The following ATL2 variants were observed in gnomAD, a reference collection of about 807,000 sequenced individuals.
The protein encoded by ATL2 is atlastin-2.
ATL2 carries 31 observed loss-of-function variants against 73.9 expected under a neutral mutation model. The ratio of observed to expected loss-of-function variants is 0.42; its 90% confidence interval spans 0.32 to 0.57. ATL2 has a LOEUF of 0.57. ATL2 is among the 20% of genes least tolerant of loss of function. The pLI is 0.14. For synonymous variants in ATL2, 291 were observed against 237.5 expected (o/e 1.23, Z -2.07); for missense variants, 738 against 702.6 (o/e 1.05, Z -0.57).
At chr2:38,338,377 T>C (rs1490842131) in intron 2 of ATL2, among the ~76,000 whole-genome samples, 4 of 152,082 alleles carry the variant, frequency 2.6e-5, no homozygotes, top group African/African-American at 9.7e-5. Flanking sequence ...GGTGACAAGA[T>C]CAATTGTACC....
intron 1 of ATL2, among the ~76,000 whole-genome samples, chr2:38,373,979 C>T (rs566312404): frequency 1.3e-5 from 2 of 152,316 alleles, no homozygotes; most frequent in African/African-American, 4.8e-5. Flanking sequence ...GCAACCTCCA[C>T]CTCCCAGGTT....
At chr2:38,355,266 A>G (rs1670591611) in intron 1 of ATL2, among the ~76,000 whole-genome samples, 1 of 152,084 alleles carries the variant, frequency 6.6e-6, no homozygotes. Context: ...AGCTGAGATT[A>G]CAGTCGCCCT....
intron 1 of ATL2, among the ~76,000 whole-genome samples, chr2:38,361,481 T>C (rs369030674): frequency 6.6e-5 from 10 of 152,226 alleles, no homozygotes; most frequent in African/African-American, 2.4e-4. Context: ...TTATAAGCTA[T>C]TTAAAAACCA....
Position 38,296,099 on chromosome 2 carries a change from C to CA in ATL2, c.1646dup (p.Asp551Ter), listed in dbSNP as rs776279586. ...TGTTTTCCTCCATCAAATTATCACC[C>CA]AGGGGCTTCAATACCTGTGGTATGA... On this transcript the variant is annotated frameshift_variant, in exon 13 of 13. Transcript: ENST00000378954. LOFTEE classifies it high-confidence loss of function. The CA allele has an allele frequency of 5.2e-6, 8 of 1,551,012 alleles. No homozygotes were observed. The Admixed American group carries it at 1.4e-4, about 27-fold the overall frequency.
chr2:38,332,042 T>G (rs905031869), intron 2 of ATL2, among the ~76,000 whole-genome samples: 1 of 152,166 alleles, frequency 6.6e-6, no homozygotes, highest in Non-Finnish European at 1.5e-5. Context: ...GAAAACATTA[T>G]GCTAAGTGAA....
intron 9 of ATL2, among the ~76,000 whole-genome samples, chr2:38,306,167 A>T (rs576162177): frequency 6.6e-6 from 1 of 152,324 alleles, no homozygotes; most frequent in African/African-American, 2.4e-5. Flanking sequence ...ATTCCTAGAC[A>T]TATACAACCT....
chr2:38,322,888 C>T (rs1668402631), intron 2 of ATL2, among the ~76,000 whole-genome samples: 1 of 152,116 alleles, frequency 6.6e-6, no homozygotes, highest in Admixed American at 6.6e-5. Flanking sequence ...CTCTATTTAA[C>T]AACAACAACA....
At chr2:38,309,689 T>G (rs1667641621) in intron 8 of ATL2, among the ~76,000 whole-genome samples, 183 bp from the exon 9 acceptor site, 1 of 152,026 alleles carries the variant, frequency 6.6e-6, no homozygotes, top group African/African-American at 2.4e-5. Context: ...ATAATCCCCC[T>G]TACTCTACTA....
intron 1 of ATL2, among the ~76,000 whole-genome samples, chr2:38,373,255 G>A (rs946167426): frequency 1.3e-5 from 2 of 152,096 alleles, no homozygotes; most frequent in African/African-American, 4.8e-5. Context: ...TGCAATAAAA[G>A]ATAAAATGTT....
At chr2:38,347,214 G>T (rs1670068079) in intron 1 of ATL2, among the ~76,000 whole-genome samples, 1 of 152,094 alleles carries the variant, frequency 6.6e-6, no homozygotes, top group Non-Finnish European at 1.5e-5. Context: ...ATGCGATCTG[G>T]GCCCAGCCTC....
At chr2:38,338,242 T>C (rs1189041923) in intron 2 of ATL2, among the ~76,000 whole-genome samples, 4 of 152,022 alleles carry the variant, frequency 2.6e-5, no homozygotes, top group Admixed American at 2.6e-4. Flanking sequence ...TACTTAAAAG[T>C]AGAAGCTAAA....
intron 10 of ATL2, 89 bp from the exon 11 acceptor site, chr2:38,299,416 A>T: frequency 7.8e-7 from 1 of 1,289,362 alleles, no homozygotes; most frequent in Non-Finnish European, 1.0e-6. Context: ...TACAATAAAC[A>T]AGTCTGAAAA....
intron 2 of ATL2, among the ~76,000 whole-genome samples, chr2:38,325,889 T>C (rs1668628744): frequency 6.6e-5 from 8 of 121,116 alleles, no homozygotes; most frequent in Admixed American, 6.0e-4. Context: ...GTTTAAGGTT[T>C]TGTTTGTTTG....
chr2:38,372,727 ACT>A (rs1345448401), intron 1 of ATL2, among the ~76,000 whole-genome samples: 3 of 152,224 alleles, frequency 2.0e-5, no homozygotes, highest in Non-Finnish European at 4.4e-5. Flanking sequence ...TTTGAAAATT[ACT>A]TTTTAGTTCA....
intron 5 of ATL2, 68 bp from the exon 6 acceptor site, chr2:38,314,732 C>T (rs35730570): frequency 1.0e-6 from 1 of 997,694 alleles, no homozygotes; most frequent in Non-Finnish European, 1.5e-6. Flanking sequence ...TAAACCTGTT[C>T]CACACCAAAG....
intron 1 of ATL2, chr2:38,358,594 AGGCC>A: frequency 1.4e-5 from 4 of 290,124 alleles, no homozygotes; most frequent in South Asian, 9.8e-5. Flanking sequence ...CAGGAGGCTG[AGGCC>A]GGAGAATGGC....
Position 38,343,654 on chromosome 2 carries a change from C to T in ATL2, c.119-142G>A. 6 of 750,724 alleles carry T rather than the reference C, an allele frequency of 8.0e-6. No individual in the cohort carries two copies. The South Asian group carries it at 1.1e-4, about 13-fold the overall frequency. The allele number at this position is 750,724 out of a possible 1,614,324, so 46.5% of individuals were successfully genotyped here. ...ATCATTATAATGTTCCTTTGGATTT[C>T]TCACTCCCTCTGTGACAGGACAAAG... On this transcript the variant is annotated intron_variant, in intron 1 of 12. Coordinates refer to ENST00000378954, the MANE Select transcript of ATL2 (RefSeq NM_001135673.4).
chr2:38,325,702 A>G (rs1668600392), intron 2 of ATL2, among the ~76,000 whole-genome samples: 1 of 50,930 alleles, frequency 2.0e-5, no homozygotes, highest in Admixed American at 2.0e-4. Context: ...ACACCAGTAC[A>G]CACACACACA....
intron 1 of ATL2, among the ~76,000 whole-genome samples, chr2:38,363,926 C>A (rs1203142478): frequency 1.3e-5 from 2 of 152,174 alleles, no homozygotes; most frequent in Non-Finnish European, 2.9e-5. Flanking sequence ...CTGAAGACGG[C>A]TGCACCTCTT....
Sources: gnomAD v4.1 joint callset for allele counts (sites outside exome capture counted in the v4.1 genomes callset) on GRCh38, gnomAD v4.1.1 for gene constraint, MANE v1.5 for transcripts, NCBI Gene and HGNC (gene_info 2026-07-23, HGNC 2026-07-21) for gene names.